The following CIT variants were observed in gnomAD, a reference collection of about 807,000 sequenced individuals.
CIT encodes the protein citron rho-interacting serine/threonine kinase.
Under a neutral mutation model 272.7 loss-of-function variants are expected in CIT, and 79 were observed. That is an observed-to-expected ratio of 0.29 (90% CI 0.24 to 0.35). CIT has a LOEUF of 0.35. Ranked by LOEUF, CIT falls within the 10% of genes least tolerant of loss-of-function variation. CIT has a pLI of 1.00. For missense variants in CIT, 1,909 were observed against 2,618.3 expected (o/e 0.73, Z 5.91); for synonymous variants, 948 against 995.6 (o/e 0.95, Z 0.90).
At chr12:119,735,467 C>A in intron 24 of CIT, 110 bp from the exon 25 acceptor site, 2 of 1,078,986 alleles carry the variant, frequency 1.9e-6, no homozygotes, top group Admixed American at 1.9e-5. Context: ...AATCAACGTG[C>A]CGCTCATGAG....
intron 19 of CIT, among the ~76,000 whole-genome samples, chr12:119,765,967 A>C (rs945426349): frequency 3.9e-5 from 6 of 152,222 alleles, no homozygotes; most frequent in African/African-American, 1.4e-4. Flanking sequence ...TATTTACAAT[A>C]GCTAAGATTT....
intron 28 of CIT, among the ~76,000 whole-genome samples, chr12:119,723,105 G>A (rs911588505): frequency 5.3e-5 from 8 of 151,926 alleles, no homozygotes; most frequent in African/African-American, 1.2e-4. Flanking sequence ...GCCCGTGTGC[G>A]TAATCTGGAA....
intron 9 of CIT, among the ~76,000 whole-genome samples, chr12:119,810,842 A>G (rs187291084): frequency 2.0e-4 from 31 of 152,336 alleles, no homozygotes; most frequent in Middle Eastern, 3.4e-3. Context: ...TCCCATATCG[A>G]AGTCTCATGG....
chr12:119,729,044 A>C (rs1357471911), intron 27 of CIT, among the ~76,000 whole-genome samples: 1 of 152,242 alleles, frequency 6.6e-6, no homozygotes. Flanking sequence ...GTCAGCTTAT[A>C]AGTTTGATAA....
chr12:119,760,825 C>A lies in CIT; in HGVS notation c.2421+114G>T. On this transcript the variant is annotated intron_variant, in intron 20 of 47. Coordinates refer to ENST00000392521, the MANE Select transcript of CIT (RefSeq NM_001206999.2). ...AAGCCTCCTATTACCAACAACTCCA[C>A]AGGATTCAACAGAAGGAATTTCACC... 5 of 752,738 alleles carry A rather than the reference C, an allele frequency of 6.6e-6. No homozygotes were observed. In the Admixed American group the frequency reaches 1.1e-4, roughly 16 times the overall value. The allele number at this position is 752,738 out of a possible 1,614,324, so 46.6% of individuals were successfully genotyped here. A position where few individuals can be genotyped will look rare whatever the true frequency, so the allele number is the denominator to read the frequency against.
chr12:119,810,061 C>G lies in CIT; in HGVS notation c.1112-6672G>C, dbSNP rs1049388068. On this transcript the variant is annotated intron_variant, in intron 9 of 47. Coordinates refer to ENST00000392521, the MANE Select transcript of CIT (RefSeq NM_001206999.2). ...ACCAGTAAATGTGTTTTCCCAAGTTCTGTGAGCAGCTCTAGCCAATTAATT... is the reference window on the plus strand; with the variant it reads ...ACCAGTAAATGTGTTTTCCCAAGTTGTGTGAGCAGCTCTAGCCAATTAATT... Among the ~76,000 whole-genome samples the G allele has an allele frequency of 2.0e-5, 3 of 152,342 alleles. No homozygotes were observed. The South Asian group carries it at 6.2e-4, about 32-fold the overall frequency.
rs1196427301 is a variant in CIT at position 119,688,195 on chromosome 12, C to A, written c.*37G>T. ...CCATAGTGTGTTTGGTGTTTTCCTG[C>A]AGATCAAGATGAGGAGTTGGTTTTT... On this transcript the variant is annotated 3_prime_UTR_variant, in exon 48 of 48. Transcript: ENST00000392521. 6.2e-7 allele frequency: 1 copy of A among 1,604,324 alleles called. No individual in the cohort carries two copies. Among genetic ancestry groups the A allele is most frequent in the South Asian group, 1.1e-5 (1 of 90,876 alleles).
At chr12:119,756,815 G>A (rs1297169086) in intron 22 of CIT, among the ~76,000 whole-genome samples, 1 of 152,138 alleles carries the variant, frequency 6.6e-6, no homozygotes, top group Non-Finnish European at 1.5e-5. Context: ...ACAGAACCTG[G>A]TGTTTTCTCT....
chr12:119,803,314 C>T lies in CIT; in HGVS notation c.1187G>A (p.Trp396Ter). ...SNFDEPEKNS[W>*]VSSSPCQLSP... is the part of the protein sequence containing the mutation. ...CAGCTGGCACGGAGAGGATGAAACC[C>T]ACGAATTCTTCTCTGGTTCATCAAA... Residue 396 changes from tryptophan to a stop codon, truncating the protein, a stop_gained, in exon 10 of 48, where the codon TGG becomes TAG. Transcript: ENST00000392521. LOFTEE classifies it high-confidence loss of function. The T allele has an allele frequency of 6.2e-7, 1 of 1,608,764 alleles. No homozygotes were observed. Among genetic ancestry groups the T allele is most frequent in the Non-Finnish European group, 8.5e-7 (1 of 1,177,554 alleles).
intron 10 of CIT, among the ~76,000 whole-genome samples, chr12:119,791,680 C>A (rs1172581723): frequency 6.6e-6 from 1 of 152,234 alleles, no homozygotes; most frequent in Non-Finnish European, 1.5e-5. Flanking sequence ...CCCGCCCACA[C>A]ACAGCAGTGC....
rs74459429 is a variant in CIT, at chr12:119,789,206, A to G, written c.1296-4141T>C. ...TTAAGCTGCTGAGTGATTGTAATGT[A>G]CAGAAAGGATTAAGAACCATGGTGC... On this transcript the variant is annotated intron_variant, in intron 10 of 47. Transcript: ENST00000392521. 6.0e-3 allele frequency among the ~76,000 whole-genome samples: 918 copies of G among 152,354 alleles called. 9 individuals carry two copies. The highest frequency in any genetic ancestry group is 0.021 in the African/African-American group (882 of 41,596).
chr12:119,803,284 G>C lies in CIT; in HGVS notation c.1217C>G (p.Pro406Arg). 1 of 1,610,182 alleles carries C rather than the reference G, an allele frequency of 6.2e-7. No individual in the cohort carries two copies. Among genetic ancestry groups the C allele is most frequent in the South Asian group, 1.1e-5 (1 of 90,896 alleles). Residue 406 changes from proline (P) to arginine (R), a missense_variant, in exon 10 of 48, where the codon CCC becomes CGC. By Grantham distance (103) the Pro-to-Arg change is moderately radical (BLOSUM62 -2). Coordinates refer to ENST00000392521, the MANE Select transcript of CIT (RefSeq NM_001206999.2). ...CAGTTCTTCACCCGAGAAGCCTGAG[G>C]GGCTCAGCTGGCACGGAGAGGATGA... ...WVSSSPCQLSPSGFSGEELPF... is the reference protein window; with the variant it reads ...WVSSSPCQLSRSGFSGEELPF...
At position 119,697,846 on chromosome 12, in the gene CIT, G is replaced by A; in HGVS notation, c.5703-8C>T. The A allele has an allele frequency of 6.2e-7, 1 of 1,613,896 alleles. No homozygotes were observed. The highest frequency in any genetic ancestry group is 8.5e-7 in the Non-Finnish European group (1 of 1,179,830). On this transcript the variant is annotated splice_polypyrimidine_tract_variant and splice_region_variant and intron_variant, in intron 45 of 47. Coordinates refer to ENST00000392521, the MANE Select transcript of CIT (RefSeq NM_001206999.2). The surrounding 1 kb of genome is among the most constrained non-coding windows in gnomAD (Gnocchi z 4.9). Reference sequence around the variant, plus strand: ...TACGCTCGGGCAGGGGTCCTGCAGAGTCCCAGAGTTCCAGTTACCTTCATT... The same window carrying A: ...TACGCTCGGGCAGGGGTCCTGCAGAATCCCAGAGTTCCAGTTACCTTCATT...
At chr12:119,717,419 C>CTTTTTTTTTTTTT (rs60611060) in intron 32 of CIT, among the ~76,000 whole-genome samples, 4 of 54,228 alleles carry the variant, frequency 7.4e-5, no homozygotes, top group African/African-American at 1.6e-4. Context: ...CTTTTCTTTT[C>CTTTTTTTTTTTTT]TTTTTTTTTT....
chr12:119,870,325 T>A (rs1950631501), intron 2 of CIT, among the ~76,000 whole-genome samples: 1 of 150,864 alleles, frequency 6.6e-6, no homozygotes, highest in Non-Finnish European at 1.5e-5. Flanking sequence ...CCAAGACGGG[T>A]GGATCACTTG....
intron 22 of CIT, among the ~76,000 whole-genome samples, chr12:119,756,074 A>G (rs116345542): frequency 6.6e-6 from 1 of 152,312 alleles, no homozygotes; most frequent in African/African-American, 2.4e-5. Context: ...ATTATCACTG[A>G]CATTTTACAG....
At chr12:119,776,282 A>G in intron 15 of CIT, 76 bp downstream of exon 15, 1 of 1,078,016 alleles carries the variant, frequency 9.3e-7, no homozygotes, top group Non-Finnish European at 1.4e-6. Context: ...TTCATCAATG[A>G]TGGGCCACTG....
At chr12:119,819,003 T>A (rs898727983) in intron 9 of CIT, among the ~76,000 whole-genome samples, 1 of 152,148 alleles carries the variant, frequency 6.6e-6, no homozygotes, top group African/African-American at 2.4e-5. Context: ...GGAGCTCTGA[T>A]TGGCTTCAGC....
chr12:119,837,653 C>T (rs1238263714), intron 5 of CIT, among the ~76,000 whole-genome samples: 3 of 152,160 alleles, frequency 2.0e-5, no homozygotes, highest in Non-Finnish European at 4.4e-5. Context: ...TCAGAGATGC[C>T]CAGTAAGGCA....
Sources: allele counts gnomAD v4.1 joint callset (sites outside exome capture counted in the v4.1 genomes callset), GRCh38; gene constraint gnomAD v4.1.1; non-coding constraint Gnocchi (gnomAD v3.1); transcripts MANE v1.5; gene names NCBI Gene and HGNC (gene_info 2026-07-23, HGNC 2026-07-21).